Variants in ARID1B observed in about 807,000 individuals in gnomAD.
ARID1B encodes the protein AT-rich interactive domain-containing protein 1B.
In ARID1B, 30 loss-of-function variants were observed where a neutral mutation model predicts 212.3. The observed-to-expected ratio is 0.14, with a 90% CI of 0.11 to 0.19. The LOEUF (loss-of-function observed/expected upper bound fraction) is 0.19, where lower values mean the gene tolerates loss of function less well. Among genes scored for constraint, ARID1B ranks in the 10% least tolerant of loss-of-function variants. The probability of loss-of-function intolerance (pLI) is 1.00; values close to 1 mark genes in which losing one functional copy is unlikely to be tolerated. For synonymous variants in ARID1B, 1,402 were observed against 1,301.7 expected (o/e 1.08, Z -1.66); for missense variants, 2,891 against 3,204.0 (o/e 0.90, Z 2.36).
rs1014760542 is a variant in ARID1B, at chr6:156,913,468, C to T, written c.2136+11943C>T. 3.9e-5 allele frequency among the ~76,000 whole-genome samples: 6 copies of T among 152,106 alleles called. No individual in the cohort carries two copies. The South Asian group carries it at 1.2e-3, about 31-fold the overall frequency. ...TCCTGACCTTGTGATCTGCCTGCCT[C>T]AGCCTCCCAAAGTTCTAGGATTACA... On this transcript the variant is annotated intron_variant, in intron 3 of 19. Transcript: ENST00000636930.
chr6:157,125,093 G>A (rs978608907), intron 6 of ARID1B, among the ~76,000 whole-genome samples: 7 of 152,176 alleles, frequency 4.6e-5, no homozygotes, highest in East Asian at 3.9e-4. Context: ...AGGGTAGGGC[G>A]GCAGACTCGT....
At chr6:156,843,086 C>T (rs945537603) in intron 2 of ARID1B, among the ~76,000 whole-genome samples, 11 of 152,298 alleles carry the variant, frequency 7.2e-5, no homozygotes, top group East Asian at 1.9e-4. Flanking sequence ...GGTGTTAGTA[C>T]GCGGTAGCAC....
rs535909320 is a variant in ARID1B at position 157,047,607 on chromosome 6, A to G, written c.2248-37055A>G. Among the ~76,000 whole-genome samples the G allele has an allele frequency of 5.9e-5, 9 of 152,276 alleles. No homozygotes were observed. In the East Asian group the frequency reaches 1.7e-3, roughly 29 times the overall value. On this transcript the variant is annotated intron_variant, in intron 4 of 19. Transcript: ENST00000636930. ...TGTAGTTCATGCCTGCCTTTGTCAG[A>G]TTCTGTTCATTTTTGTAAAAAGACG... is the stretch of plus-strand genomic sequence containing the variant.
At chr6:156,893,060 T>TTTTTTTTTTTATG (rs1268821728) in intron 2 of ARID1B, among the ~76,000 whole-genome samples, 1 of 137,700 alleles carries the variant, frequency 7.3e-6, no homozygotes, top group African/African-American at 2.8e-5. Context: ...TTTTTTTTTT[T>TTTTTTTTTTTATG]GAGATGGAGT....
intron 4 of ARID1B, among the ~76,000 whole-genome samples, chr6:157,065,215 G>A (rs923117742): frequency 1.3e-5 from 2 of 152,152 alleles, no homozygotes; most frequent in African/African-American, 2.4e-5. Flanking sequence ...ATGAAAACTT[G>A]AAGGAAAATC....
intron 4 of ARID1B, among the ~76,000 whole-genome samples, chr6:157,051,976 T>C (rs955688060): frequency 1.3e-5 from 2 of 152,214 alleles, no homozygotes; most frequent in African/African-American, 4.8e-5. Flanking sequence ...GTTTTGTCAA[T>C]TTAATTAATA....
At chr6:156,838,339 A>G (rs999742962) in intron 2 of ARID1B, among the ~76,000 whole-genome samples, 6 of 152,200 alleles carry the variant, frequency 3.9e-5, no homozygotes, top group Non-Finnish European at 8.8e-5. Context: ...GTTTTACTTA[A>G]TGGTCCTGAG....
intron 2 of ARID1B, among the ~76,000 whole-genome samples, chr6:156,853,473 C>T (rs1784712568): frequency 6.6e-6 from 1 of 152,104 alleles, no homozygotes; most frequent in African/African-American, 2.4e-5. Flanking sequence ...CCTGTAGGAG[C>T]AGTAGCTGGA....
chr6:157,068,626 A>ACTCTTC (rs1203560530), intron 4 of ARID1B, among the ~76,000 whole-genome samples: 1 of 152,140 alleles, frequency 6.6e-6, no homozygotes, highest in Non-Finnish European at 1.5e-5. Context: ...TTTGCATTTT[A>ACTCTTC]CTCTTCCTTT....
intron 5 of ARID1B, among the ~76,000 whole-genome samples, chr6:157,085,499 C>G (rs564982701): frequency 1.4e-3 from 207 of 152,196 alleles, no homozygotes; most frequent in South Asian, 3.3e-3. Context: ...TATCTTCTCC[C>G]TTTATTATGT....
chr6:156,828,545 G>GC (rs886857884), intron 1 of ARID1B, among the ~76,000 whole-genome samples: 1 of 152,148 alleles, frequency 6.6e-6, no homozygotes, highest in Non-Finnish European at 1.5e-5. Context: ...CGGCCCTGAA[G>GC]CCCAGGGCCT....
At chr6:156,786,316 T>G (rs1322757924) in intron 1 of ARID1B, among the ~76,000 whole-genome samples, 1 of 152,162 alleles carries the variant, frequency 6.6e-6, no homozygotes, top group African/African-American at 2.4e-5. Context: ...ACCAAATTTG[T>G]GCCTCCCCCT....
chr6:156,915,315 C>A (rs1227960924), intron 3 of ARID1B, among the ~76,000 whole-genome samples: 2 of 152,080 alleles, frequency 1.3e-5, no homozygotes, highest in Non-Finnish European at 2.9e-5. Context: ...GCCTGTAATC[C>A]CAGCCCTTTG....
chr6:156,871,308 T>C (rs546818323), intron 2 of ARID1B, among the ~76,000 whole-genome samples: 1 of 152,234 alleles, frequency 6.6e-6, no homozygotes, highest in South Asian at 2.1e-4. Context: ...CAGTAGGTGA[T>C]GGACAAATAA....
At chr6:156,855,822 G>C (rs1007321694) in intron 2 of ARID1B, among the ~76,000 whole-genome samples, 2 of 152,102 alleles carry the variant, frequency 1.3e-5, no homozygotes, top group Non-Finnish European at 2.9e-5. Context: ...ATTAGCTCTG[G>C]AATCTAGGAA....
At chr6:157,137,442 A>G (rs1026679075) in intron 7 of ARID1B, among the ~76,000 whole-genome samples, 2 of 152,318 alleles carry the variant, frequency 1.3e-5, no homozygotes, top group South Asian at 4.1e-4. Context: ...TATGTAATTA[A>G]CATGTTAATT....
chr6:156,983,470 T>C (rs562457500), intron 4 of ARID1B, among the ~76,000 whole-genome samples: 1 of 152,126 alleles, frequency 6.6e-6, no homozygotes, highest in Admixed American at 6.5e-5. Flanking sequence ...AGGTAGGCAT[T>C]TCTTTGGGGT....
At chr6:156,914,616 C>A (rs74936222) in intron 3 of ARID1B, among the ~76,000 whole-genome samples, 8,385 of 152,186 alleles carry the variant, frequency 0.055, 795 homozygotes, top group African/African-American at 0.19. Context: ...CAAAGCTTTA[C>A]GTATCTGGAG....
At chr6:156,805,579 A>G (rs1781097550) in intron 1 of ARID1B, among the ~76,000 whole-genome samples, 1 of 152,200 alleles carries the variant, frequency 6.6e-6, no homozygotes, top group Admixed American at 6.5e-5. Context: ...GAGGGCCTAC[A>G]AGAAAATTTT....
Sources: gnomAD v4.1 joint callset for allele counts (sites outside exome capture counted in the v4.1 genomes callset) on GRCh38, gnomAD v4.1.1 for gene constraint, MANE v1.5 for transcripts, NCBI Gene and HGNC (gene_info 2026-07-23, HGNC 2026-07-21) for gene names.